The following BDP1 variants were observed in gnomAD, a reference collection of about 807,000 sequenced individuals.
BDP1 encodes transcription factor TFIIIB component B'' homolog.
In BDP1, 169 loss-of-function variants were observed where a neutral mutation model predicts 266.6. That is an observed-to-expected ratio of 0.63 (90% CI 0.56 to 0.72). The LOEUF is 0.72. Ranked by LOEUF, BDP1 falls within the 30% of genes least tolerant of loss-of-function variation. BDP1 has a pLI of 0.00. For missense variants in BDP1, 3,015 were observed against 3,053.8 expected, an observed-to-expected ratio of 0.99 and a Z score of 0.30; for synonymous variants, 1,090 against 1,022.4, an observed-to-expected ratio of 1.07 and a Z score of -1.26.
intron 1 of BDP1, 66 bp from the exon 2 acceptor site, chr5:71,458,513 G>T (rs1761335709): frequency 2.4e-6 from 3 of 1,242,398 alleles, no homozygotes; most frequent in South Asian, 3.7e-5. Flanking sequence ...ACCAGACTAG[G>T]TTTTAAAACT....
chr5:71,537,232 G>A (rs181279750), intron 26 of BDP1, among the ~76,000 whole-genome samples: 2 of 149,836 alleles, frequency 1.3e-5, no homozygotes, highest in East Asian at 3.9e-4. Flanking sequence ...ATCAGATACA[G>A]GACTGTGACT....
At chr5:71,549,697 T>C in intron 34 of BDP1, 91 bp downstream of exon 34, 2 of 1,041,236 alleles carry the variant, frequency 1.9e-6, no homozygotes, top group Non-Finnish European at 2.7e-6. Context: ...CCAATGTTAG[T>C]TGTTATTGTT....
intron 1 of BDP1, among the ~76,000 whole-genome samples, chr5:71,458,314 GT>G (rs1347081154): frequency 6.6e-6 from 1 of 151,968 alleles, no homozygotes; most frequent in East Asian, 1.9e-4. Flanking sequence ...TTTGAGGGGG[GT>G]AAGCCTATAA....
At chr5:71,496,966 T>C (rs991860051) in intron 12 of BDP1, among the ~76,000 whole-genome samples, 2 of 152,234 alleles carry the variant, frequency 1.3e-5, no homozygotes, top group Non-Finnish European at 2.9e-5. Context: ...ATCCTCCCTA[T>C]TATGAGTTGC....
intron 32 of BDP1, among the ~76,000 whole-genome samples, chr5:71,546,167 CCTGA>C (rs1742287783): frequency 6.6e-6 from 1 of 152,086 alleles, no homozygotes; most frequent in Non-Finnish European, 1.5e-5. Context: ...CTTACCCCAC[CCTGA>C]CTTTTTAATT....
At chr5:71,468,058 G>A (rs1762008943) in intron 6 of BDP1, among the ~76,000 whole-genome samples, 3 of 151,942 alleles carry the variant, frequency 2.0e-5, no homozygotes. Context: ...CCCTCTTGTT[G>A]CCCAGGCTGA....
intron 8 of BDP1, among the ~76,000 whole-genome samples, 181 bp from the exon 9 acceptor site, chr5:71,486,302 TA>T (rs1763255384): frequency 6.6e-6 from 1 of 152,168 alleles, no homozygotes; most frequent in Non-Finnish European, 1.5e-5. Context: ...TGATGTGAAC[TA>T]ATCTATTTCC....
chr5:71,464,392 G>A (rs1207797209), intron 4 of BDP1, among the ~76,000 whole-genome samples: 1 of 152,006 alleles, frequency 6.6e-6, no homozygotes, highest in Non-Finnish European at 1.5e-5. Flanking sequence ...TTATTCAGGA[G>A]GCTGAGGTGG....
chr5:71,461,242 A>G (rs1412279707), intron 2 of BDP1, among the ~76,000 whole-genome samples: 2 of 152,064 alleles, frequency 1.3e-5, no homozygotes, highest in Non-Finnish European at 2.9e-5. Flanking sequence ...AGCCTCCCAA[A>G]GTGCTGGGAT....
chr5:71,535,140 A>T (rs1766510755), intron 26 of BDP1, among the ~76,000 whole-genome samples: 1 of 152,182 alleles, frequency 6.6e-6, no homozygotes, highest in African/African-American at 2.4e-5. Context: ...ACTGTAACAA[A>T]GTACAGATGC....
chr5:71,517,261 ATATTT>A, intron 21 of BDP1, 56 bp from the exon 22 acceptor site: 1 of 1,301,080 alleles, frequency 7.7e-7, no homozygotes, highest in Non-Finnish European at 1.1e-6. Flanking sequence ...AATGGTGGAA[ATATTT>A]TAAGAGGTAT....
intron 11 of BDP1, among the ~76,000 whole-genome samples, chr5:71,491,650 T>C (rs1184229977): frequency 6.6e-6 from 1 of 152,164 alleles, no homozygotes; most frequent in Non-Finnish European, 1.5e-5. Flanking sequence ...TCTATACCTA[T>C]TGAACAGCAA....
chr5:71,520,462 G>T (rs1370547510), intron 22 of BDP1, among the ~76,000 whole-genome samples: 1 of 152,096 alleles, frequency 6.6e-6, no homozygotes, highest in Non-Finnish European at 1.5e-5. Context: ...ATTGGATTAG[G>T]TTGATGATTG....
At position 71,516,217 on chromosome 5, in the gene BDP1, G is replaced by T; in HGVS notation, c.4806G>T (p.Lys1602Asn). 6.2e-7 allele frequency: 1 copy of T among 1,613,422 alleles called. No individual in the cohort carries two copies. Among genetic ancestry groups the T allele is most frequent in the South Asian group, 1.1e-5 (1 of 90,940 alleles). The stretch of plus-strand genomic sequence containing the variant: ...AAGGTGAAGCCAAAGGCATAATTAA[G>T]GAAGGAAGAACGATATTACCAAAAG... The part of the protein sequence containing the change: ...VDKGEAKGII[K>N]EGRTILPKDE... The change falls in exon 21 of 39, where the codon AAG becomes AAT. Residue 1602 changes from lysine to asparagine, a missense_variant. By Grantham distance (94) the Lys-to-Asn change is moderately conservative (BLOSUM62 0). Coordinates refer to ENST00000358731, the MANE Select transcript of BDP1 (RefSeq NM_018429.3).
chr5:71,470,030 G>A (rs975839053), intron 6 of BDP1, among the ~76,000 whole-genome samples: 4 of 150,730 alleles, frequency 2.7e-5, no homozygotes, highest in South Asian at 2.1e-4. Context: ...TAGTAGAGAC[G>A]GGGTTTCTCC....
At chr5:71,558,772 G>A (rs1743412456) in intron 36 of BDP1, among the ~76,000 whole-genome samples, 1 of 151,808 alleles carries the variant, frequency 6.6e-6, no homozygotes, top group African/African-American at 2.4e-5. Flanking sequence ...GTTGCGGTGA[G>A]CCGAGATTGC....
intron 7 of BDP1, among the ~76,000 whole-genome samples, chr5:71,482,094 C>T (rs1221263931): frequency 6.6e-6 from 1 of 152,198 alleles, no homozygotes; most frequent in Non-Finnish European, 1.5e-5. Context: ...CTTCCTTCTG[C>T]CTTCATGGCT....
chr5:71,494,322 TGTTA>T (rs1763753721), intron 11 of BDP1: 1 of 152,208 alleles, frequency 6.6e-6, no homozygotes, highest in Admixed American at 6.5e-5. Flanking sequence ...GTTATATTAT[TGTTA>T]GTTGAAATTT....
chr5:71,516,949 T>C (rs1050361625), intron 21 of BDP1, among the ~76,000 whole-genome samples: 2 of 152,250 alleles, frequency 1.3e-5, no homozygotes, highest in Non-Finnish European at 2.9e-5. Flanking sequence ...GTGACTATTA[T>C]AGTTTTCAAA....
Sources: allele counts gnomAD v4.1 joint callset (sites outside exome capture counted in the v4.1 genomes callset), GRCh38; gene constraint gnomAD v4.1.1; transcripts MANE v1.5; gene names NCBI Gene and HGNC (gene_info 2026-07-23, HGNC 2026-07-21).